Variants in RBFOX1 observed in about 807,000 individuals in gnomAD.
RBFOX1 encodes the protein RNA binding fox-1 homolog 1.
RBFOX1 carries 8 observed loss-of-function variants against 57.7 expected under a neutral mutation model. The observed-to-expected ratio is 0.14, with a 90% confidence interval of 0.08 to 0.25. RBFOX1 has a LOEUF of 0.25. Ranked by LOEUF, RBFOX1 falls within the 10% of genes least tolerant of loss-of-function variation. The probability of loss-of-function intolerance (pLI) is 1.00; values close to 1 mark genes in which losing one functional copy is unlikely to be tolerated. For missense variants in RBFOX1, 611 were observed against 548.5 expected, an observed-to-expected ratio of 1.11 and a Z score of -1.14; for synonymous variants, 326 against 222.4, an observed-to-expected ratio of 1.47 and a Z score of -4.15.
chr16:5,627,530 T>C (rs1380027352), intron 3 of RBFOX1, among the ~76,000 whole-genome samples: 4 of 152,148 alleles, frequency 2.6e-5, no homozygotes, highest in Admixed American at 2.6e-4. Flanking sequence ...TTTAGGGTTT[T>C]TATATTAAAA....
chr16:6,107,263 G>A (rs573345471), intron 1 of RBFOX1, among the ~76,000 whole-genome samples: 1 of 152,100 alleles, frequency 6.6e-6, no homozygotes, highest in South Asian at 2.1e-4. Flanking sequence ...ATCTATAGTA[G>A]GTCTGCTAGG....
At chr16:7,226,251 G>A (rs2093111102) in intron 4 of RBFOX1, among the ~76,000 whole-genome samples, 1 of 152,192 alleles carries the variant, frequency 6.6e-6, no homozygotes, top group African/African-American at 2.4e-5. Flanking sequence ...TGATCAGGCA[G>A]GTTGGCTTCA....
chr16:7,453,146 A>AG (rs1253953441), intron 4 of RBFOX1, among the ~76,000 whole-genome samples: 1 of 151,630 alleles, frequency 6.6e-6, no homozygotes, highest in Non-Finnish European at 1.5e-5. Context: ...AAAAAAAAAA[A>AG]AATTGCAATC....
intron 4 of RBFOX1, among the ~76,000 whole-genome samples, chr16:7,113,822 A>G (rs2065291553): frequency 6.6e-6 from 1 of 152,126 alleles, no homozygotes; most frequent in African/African-American, 2.4e-5. Context: ...GCTGATGGAC[A>G]TTAAAGTGGC....
intron 2 of RBFOX1, among the ~76,000 whole-genome samples, chr16:5,540,572 G>C (rs1567209173): frequency 6.6e-6 from 1 of 152,194 alleles, no homozygotes; most frequent in Non-Finnish European, 1.5e-5. Flanking sequence ...CGGATCTTTA[G>C]TGGTATTTCT....
chr16:5,465,326 A>C (rs756853081), intron 1 of RBFOX1, among the ~76,000 whole-genome samples: 3 of 151,850 alleles, frequency 2.0e-5, no homozygotes, highest in Non-Finnish European at 4.4e-5. Flanking sequence ...TGAAGACAGA[A>C]GTCAGACTGG....
chr16:5,366,052 G>C, intron 1 of RBFOX1: 1 of 475,098 alleles, frequency 2.1e-6, no homozygotes, highest in Non-Finnish European at 4.1e-6. Context: ...TACAGCAATG[G>C]TTTCCCTTGG....
At chr16:7,657,728 T>G (rs1001288789) in intron 12 of RBFOX1, among the ~76,000 whole-genome samples, 1 of 152,204 alleles carries the variant, frequency 6.6e-6, no homozygotes, top group African/African-American at 2.4e-5. Context: ...CATGCCTAAA[T>G]AGAAACCTCT....
At chr16:6,578,542 T>A (rs2153968591) in intron 2 of RBFOX1, among the ~76,000 whole-genome samples, 1 of 146,774 alleles carries the variant, frequency 6.8e-6, no homozygotes, top group Non-Finnish European at 1.5e-5. Flanking sequence ...CATTCTGTCC[T>A]AAACTCCAAA....
At chr16:6,693,076 C>G (rs2060458488) in intron 3 of RBFOX1, among the ~76,000 whole-genome samples, 1 of 137,264 alleles carries the variant, frequency 7.3e-6, no homozygotes. Flanking sequence ...TCATCCTCCT[C>G]TACTACCATC....
At chr16:6,543,550 A>G (rs900724768) in intron 2 of RBFOX1, among the ~76,000 whole-genome samples, 1 of 151,854 alleles carries the variant, frequency 6.6e-6, no homozygotes, top group African/African-American at 2.4e-5. Flanking sequence ...TTTATACCTT[A>G]CTGTGGCTCC....
intron 1 of RBFOX1, among the ~76,000 whole-genome samples, chr16:6,307,891 A>G (rs535358999): frequency 1.6e-5 from 2 of 128,316 alleles, no homozygotes; most frequent in Non-Finnish European, 3.3e-5. Flanking sequence ...TTATTTATAT[A>G]TTTATTTGGA....
At chr16:5,320,495 G>C (rs1235722475) in intron 1 of RBFOX1, among the ~76,000 whole-genome samples, 1 of 152,176 alleles carries the variant, frequency 6.6e-6, no homozygotes, top group East Asian at 1.9e-4. Flanking sequence ...ATTTTACTTA[G>C]AAGTCTTTTA....
At chr16:7,530,008 C>A (rs902181532) in intron 5 of RBFOX1, among the ~76,000 whole-genome samples, 364 of 124,948 alleles carry the variant, frequency 2.9e-3, no homozygotes, top group Middle Eastern at 3.9e-3. Flanking sequence ...GACTCCATCT[C>A]AAAAAAAAAA....
At chr16:5,543,255 G>C (rs1413083568) in intron 2 of RBFOX1, among the ~76,000 whole-genome samples, 1 of 152,104 alleles carries the variant, frequency 6.6e-6, no homozygotes, top group African/African-American at 2.4e-5. Context: ...GTATCAGTTG[G>C]AATTAATAAA....
chr16:5,453,575 AT>A (rs1050588632), intron 1 of RBFOX1, among the ~76,000 whole-genome samples: 15 of 152,168 alleles, frequency 9.9e-5, no homozygotes, highest in African/African-American at 3.1e-4. Flanking sequence ...CAGAAGCTAC[AT>A]GCATCATAGG....
At chr16:6,585,026 A>T (rs956854018) in intron 2 of RBFOX1, among the ~76,000 whole-genome samples, 1 of 152,142 alleles carries the variant, frequency 6.6e-6, no homozygotes, top group African/African-American at 2.4e-5. Flanking sequence ...CCCAGGCAGA[A>T]CCTGGTCAAG....
intron 1 of RBFOX1, among the ~76,000 whole-genome samples, chr16:5,440,104 A>C (rs554855123): frequency 1.3e-5 from 2 of 152,356 alleles, no homozygotes; most frequent in South Asian, 4.1e-4. Flanking sequence ...GTCATGTTGG[A>C]TATAAGGTTG....
intron 3 of RBFOX1, among the ~76,000 whole-genome samples, chr16:6,908,976 C>A (rs555023785): frequency 6.6e-6 from 1 of 152,106 alleles, no homozygotes; most frequent in East Asian, 1.9e-4. Context: ...TCTGGGGGCT[C>A]CGTTCTTCTG....
Sources: allele counts gnomAD v4.1 joint callset (sites outside exome capture counted in the v4.1 genomes callset), GRCh38; gene constraint gnomAD v4.1.1; transcripts MANE v1.5; gene names NCBI Gene and HGNC (gene_info 2026-07-23, HGNC 2026-07-21).